DGKB: variants seen among roughly 807,000 people sequenced by gnomAD.
DGKB encodes the protein 90 kDa diacylglycerol kinase.
Under a neutral mutation model 114.3 loss-of-function variants are expected in DGKB, and 67 were observed. The observed-to-expected ratio is 0.59, with a 90% CI of 0.48 to 0.72. The LOEUF is 0.72. Ranked by LOEUF, DGKB falls within the 30% of genes least tolerant of loss-of-function variation. DGKB has a pLI of 0.00. For missense variants in DGKB, 907 were observed against 975.2 expected, an observed-to-expected ratio of 0.93 and a Z score of 0.93; for synonymous variants, 398 against 323.1, an observed-to-expected ratio of 1.23 and a Z score of -2.49.
At chr7:14,296,523 A>G (rs1802590223) in intron 23 of DGKB, among the ~76,000 whole-genome samples, 1 of 152,132 alleles carries the variant, frequency 6.6e-6, no homozygotes. Flanking sequence ...TATAGCCACT[A>G]ATGGGATTGC....
At chr7:14,734,511 T>A (rs144151971) in intron 5 of DGKB, among the ~76,000 whole-genome samples, 200 of 152,246 alleles carry the variant, frequency 1.3e-3, no homozygotes, top group African/African-American at 4.5e-3. Context: ...CTTTTGAATG[T>A]ACAGTGAAGT....
chr7:14,875,307 CTAT>C (rs1853110413), intron 1 of DGKB, among the ~76,000 whole-genome samples: 1 of 152,062 alleles, frequency 6.6e-6, no homozygotes, highest in Admixed American at 6.6e-5. Context: ...CTGCCGAATG[CTAT>C]TTTGTTTAAT....
intron 14 of DGKB, among the ~76,000 whole-genome samples, chr7:14,624,178 A>AT (rs1265026365): frequency 1.3e-5 from 2 of 152,188 alleles, no homozygotes; most frequent in East Asian, 3.8e-4. Context: ...TTCAACGCTT[A>AT]TATTTGAAAA....
At chr7:14,928,508 C>T (rs1348783889) in intron 1 of DGKB, among the ~76,000 whole-genome samples, 1 of 151,930 alleles carries the variant, frequency 6.6e-6, no homozygotes, top group Non-Finnish European at 1.5e-5. Flanking sequence ...GTGATATACA[C>T]ATGCTATATT....
At chr7:14,204,401 T>C (rs1786408363) in intron 23 of DGKB, among the ~76,000 whole-genome samples, 1 of 152,010 alleles carries the variant, frequency 6.6e-6, no homozygotes, top group Admixed American at 6.6e-5. Flanking sequence ...CTTGGTGAGC[T>C]GACACATTTC....
At position 14,933,881 on chromosome 7, in the gene DGKB, C is replaced by CT. The variant is rs796163336; in HGVS notation, c.-188+40814dup. Among the ~76,000 whole-genome samples, 79 of 151,970 alleles carry CT rather than the reference C, an allele frequency of 5.2e-4. 1 individual carries two copies. The highest frequency in any genetic ancestry group is 1.8e-3 in the African/African-American group (75 of 41,524). On this transcript the variant is annotated intron_variant, in intron 1 of 4. Coordinates refer to the DGKB transcript ENST00000437998. ...GATATCTGAAAATTACAAAAAATTG[C>CT]TTTTTTTTAAATCAATTATAGCACA...
chr7:14,685,538 T>G (rs972605379), intron 9 of DGKB, among the ~76,000 whole-genome samples, 176 bp from the exon 10 acceptor site: 1 of 152,164 alleles, frequency 6.6e-6, no homozygotes, highest in Non-Finnish European at 1.5e-5. Flanking sequence ...TCCAGTGAAA[T>G]GAGATAGTGC....
intron 21 of DGKB, among the ~76,000 whole-genome samples, chr7:14,467,848 C>T (rs1295828690): frequency 1.3e-5 from 2 of 151,916 alleles, no homozygotes; most frequent in East Asian, 1.9e-4. Flanking sequence ...ATTAGCCATG[C>T]CAGGGGATTA....
chr7:14,939,510 T>C (rs1298699067), intron 1 of DGKB, among the ~76,000 whole-genome samples: 2 of 151,734 alleles, frequency 1.3e-5, no homozygotes, highest in African/African-American at 2.4e-5. Flanking sequence ...ACAGGTAGAA[T>C]AGAGGTTCAG....
chr7:14,322,540 G>A (rs890623659), intron 23 of DGKB, among the ~76,000 whole-genome samples: 3 of 151,998 alleles, frequency 2.0e-5, no homozygotes, highest in African/African-American at 7.2e-5. Flanking sequence ...AAATAATATA[G>A]CAGATGTTCA....
intron 19 of DGKB, among the ~76,000 whole-genome samples, chr7:14,574,796 A>G (rs1318562161): frequency 6.6e-6 from 1 of 152,124 alleles, no homozygotes; most frequent in Admixed American, 6.5e-5. Flanking sequence ...TTCCCTTTCC[A>G]TCACTCTCTT....
At chr7:14,803,528 T>A (rs934790794) in intron 2 of DGKB, among the ~76,000 whole-genome samples, 4 of 152,208 alleles carry the variant, frequency 2.6e-5, no homozygotes, top group African/African-American at 4.8e-5. Context: ...TTCTCATTTG[T>A]AAATTTTTGG....
chr7:14,281,238 C>G (rs1799904315), intron 23 of DGKB, among the ~76,000 whole-genome samples: 1 of 151,736 alleles, frequency 6.6e-6, no homozygotes, highest in South Asian at 2.1e-4. Flanking sequence ...AGACTTTAAA[C>G]CAACAAAGAT....
chr7:14,396,968 T>G (rs1238761408), intron 21 of DGKB, among the ~76,000 whole-genome samples: 1 of 152,136 alleles, frequency 6.6e-6, no homozygotes, highest in Non-Finnish European at 1.5e-5. Context: ...ATGGTTTTTA[T>G]TACAAAAATT....
chr7:14,451,545 GTCTCTCTC>G (rs34641587), intron 21 of DGKB, among the ~76,000 whole-genome samples: 55 of 141,164 alleles, frequency 3.9e-4, no homozygotes, highest in African/African-American at 9.7e-4. Context: ...CTCTCTATCT[GTCTCTCTC>G]TCTCTCTCTC....
chr7:14,507,730 G>A (rs1186771897), intron 20 of DGKB, among the ~76,000 whole-genome samples: 4 of 152,102 alleles, frequency 2.6e-5, no homozygotes, highest in East Asian at 1.9e-4. Flanking sequence ...ACTATCTATC[G>A]AAATTCCACT....
At chr7:14,337,404 T>C (rs1810873903) in intron 23 of DGKB, among the ~76,000 whole-genome samples, 1 of 152,126 alleles carries the variant, frequency 6.6e-6, no homozygotes, top group African/African-American at 2.4e-5. Flanking sequence ...TACTTACACA[T>C]TTTAAGGGCA....
At chr7:14,660,483 CT>C (rs1202690231) in intron 13 of DGKB, among the ~76,000 whole-genome samples, 1 of 151,998 alleles carries the variant, frequency 6.6e-6, no homozygotes, top group Non-Finnish European at 1.5e-5. Flanking sequence ...TCCATTTCTT[CT>C]AGATTTTCTA....
chr7:14,951,688 TCA>T (rs1437814934), intron 1 of DGKB, among the ~76,000 whole-genome samples: 1 of 151,930 alleles, frequency 6.6e-6, no homozygotes, highest in Non-Finnish European at 1.5e-5. Flanking sequence ...CAATATTAGC[TCA>T]TCAATTATAA....
Sources: gnomAD v4.1 joint callset for allele counts (sites outside exome capture counted in the v4.1 genomes callset) on GRCh38, gnomAD v4.1.1 for gene constraint, MANE v1.5 for transcripts, NCBI Gene and HGNC (gene_info 2026-07-23, HGNC 2026-07-21) for gene names.